The following HCRTR2 variants were observed in gnomAD, a reference collection of about 807,000 sequenced individuals.
HCRTR2 encodes hypocretin receptor 2, also known as orexin receptor type 2.
Under a neutral mutation model 49.0 loss-of-function variants are expected in HCRTR2, and 22 were observed. The ratio of observed to expected loss-of-function variants is 0.45; its 90% CI spans 0.32 to 0.64. The LOEUF is 0.64. Ranked by LOEUF, HCRTR2 falls within the 30% of genes least tolerant of loss-of-function variation. HCRTR2 has a pLI of 0.04. For synonymous variants in HCRTR2, 236 were observed against 205.3 expected (o/e 1.15, Z -1.28); for missense variants, 491 against 559.4 (o/e 0.88, Z 1.23).
At chr6:55,163,120 C>T (rs1473180806) in intron 1 of HCRTR2, among the ~76,000 whole-genome samples, 1 of 152,002 alleles carries the variant, frequency 6.6e-6, no homozygotes, top group African/African-American at 2.4e-5. Context: ...CCTGTAGTCC[C>T]AGCTACTTGG....
intron 1 of HCRTR2, among the ~76,000 whole-genome samples, chr6:55,163,189 A>G (rs1221785851): frequency 6.6e-6 from 1 of 152,046 alleles, no homozygotes; most frequent in East Asian, 1.9e-4. Context: ...ATGAGCCAAG[A>G]TCCTGTCACT....
At chr6:55,273,927 T>C (rs1410447257) in intron 4 of HCRTR2, among the ~76,000 whole-genome samples, 1 of 152,052 alleles carries the variant, frequency 6.6e-6, no homozygotes, top group East Asian at 1.9e-4. Context: ...ACACTCAATG[T>C]ACCTTTATTA....
intron 1 of HCRTR2, among the ~76,000 whole-genome samples, chr6:55,168,776 G>T (rs1039112894): frequency 6.6e-6 from 1 of 151,850 alleles, no homozygotes. Context: ...TCACTAAGTT[G>T]CCCAACCTGG....
intron 1 of HCRTR2, among the ~76,000 whole-genome samples, chr6:55,123,290 G>C (rs1392426922): frequency 6.6e-6 from 1 of 151,770 alleles, no homozygotes; most frequent in Non-Finnish European, 1.5e-5. Flanking sequence ...TTTTTTTTGA[G>C]ACATGTTCCA....
chr6:55,159,898 A>G (rs1226540824), intron 1 of HCRTR2, among the ~76,000 whole-genome samples: 1 of 152,256 alleles, frequency 6.6e-6, no homozygotes, highest in East Asian at 1.9e-4. Context: ...AAAGGAATCA[A>G]GTTGGAAAAC....
chr6:55,238,360 T>C (rs1342887361), intron 1 of HCRTR2, among the ~76,000 whole-genome samples: 1 of 152,204 alleles, frequency 6.6e-6, no homozygotes, highest in African/African-American at 2.4e-5. Flanking sequence ...TTCTTGGAAT[T>C]TTAAAACTGT....
At chr6:55,152,624 G>A (rs1404330811) in intron 1 of HCRTR2, among the ~76,000 whole-genome samples, 1 of 151,932 alleles carries the variant, frequency 6.6e-6, no homozygotes, top group Non-Finnish European at 1.5e-5. Context: ...TGCCAATATG[G>A]TAGGTTTGGT....
At chr6:55,257,678 T>C (rs1766679107) in intron 3 of HCRTR2, among the ~76,000 whole-genome samples, 1 of 151,892 alleles carries the variant, frequency 6.6e-6, no homozygotes, top group South Asian at 2.1e-4. Flanking sequence ...ATAAAGCTCA[T>C]TTCTACTCTG....
At chr6:55,269,767 T>TA (rs1191198905) in intron 4 of HCRTR2, among the ~76,000 whole-genome samples, 2 of 152,074 alleles carry the variant, frequency 1.3e-5, no homozygotes, top group Non-Finnish European at 2.9e-5. Context: ...AAGACCAGCA[T>TA]AGTCAACGTG....
At chr6:55,253,453 TATGAGATC>T (rs1277740881) in intron 2 of HCRTR2, among the ~76,000 whole-genome samples, 4 of 152,144 alleles carry the variant, frequency 2.6e-5, no homozygotes, top group African/African-American at 9.7e-5. Flanking sequence ...TTCCACATAT[TATGAGATC>T]AATATAACCA....
chr6:55,248,069 A>G (rs555497044), intron 1 of HCRTR2, among the ~76,000 whole-genome samples: 54 of 152,254 alleles, frequency 3.5e-4, no homozygotes, highest in Non-Finnish European at 6.5e-4. Flanking sequence ...TGTGGGTGAT[A>G]TCATTGTCCC....
intron 2 of HCRTR2, among the ~76,000 whole-genome samples, chr6:55,250,732 A>C (rs1766533325): frequency 6.6e-6 from 1 of 152,124 alleles, no homozygotes; most frequent in African/African-American, 2.4e-5. Context: ...GTCCTCTTTC[A>C]CACAGCAGAA....
At chr6:55,208,671 A>G (rs1765647130) in intron 1 of HCRTR2, among the ~76,000 whole-genome samples, 1 of 152,106 alleles carries the variant, frequency 6.6e-6, no homozygotes, top group African/African-American at 2.4e-5. Flanking sequence ...GGATGAAGTT[A>G]CACCTCACAC....
rs145027088 is a variant in HCRTR2, at chr6:55,277,560, A to G, written c.943A>G (p.Ile315Val). The G allele has an allele frequency of 1.2e-5, 19 of 1,614,030 alleles. No homozygotes were observed. In the East Asian group the frequency reaches 2.7e-4, roughly 23 times the overall value. The stretch of plus-strand genomic sequence containing the variant: ...GATGATTGTGCTTTTGGTATTTGCA[A>G]TTTGCTATCTACCAATTAGCATCCT... Reference protein sequence around the residue: ...MLMIVLLVFAICYLPISILNV... With the variant: ...MLMIVLLVFAVCYLPISILNV... Residue 315 changes from isoleucine to valine, a missense_variant, in exon 5 of 7, where the codon ATT becomes GTT. Ile to Val is a conservative substitution (Grantham distance 29). Transcript: ENST00000370862.
intron 1 of HCRTR2, among the ~76,000 whole-genome samples, chr6:55,127,599 T>G (rs1474813030): frequency 1.3e-5 from 2 of 152,100 alleles, no homozygotes; most frequent in African/African-American, 2.4e-5. Flanking sequence ...TTGTTCTTGC[T>G]TTCTTGTTGT....
intron 1 of HCRTR2, among the ~76,000 whole-genome samples, chr6:55,157,949 C>G (rs1764752243): frequency 6.6e-6 from 1 of 152,168 alleles, no homozygotes; most frequent in South Asian, 2.1e-4. Context: ...CAATAAATAC[C>G]TAACTTCTCA....
rs761516806 is a variant in HCRTR2, at chr6:55,282,341, A to G, written c.1222A>G (p.Thr408Ala). ...RTSTESRKSL[T>A]TQISNFDNIS... Reference sequence around the variant, plus strand: ...TAGCACAGAGAGCCGGAAGTCCTTGACCACTCAAATCAGCAACTTTGATAA... The same window carrying G: ...TAGCACAGAGAGCCGGAAGTCCTTGGCCACTCAAATCAGCAACTTTGATAA... The change falls in exon 7 of 7, where the codon ACC becomes GCC. Residue 408 changes from threonine to alanine, a missense_variant. Thr to Ala is a moderately conservative substitution (Grantham distance 58, BLOSUM62 0). Transcript: ENST00000370862. 27 of 1,613,594 alleles carry G rather than the reference A, an allele frequency of 1.7e-5. No individual in the cohort carries two copies.
At chr6:55,205,876 T>C (rs1372747537) in intron 1 of HCRTR2, among the ~76,000 whole-genome samples, 2 of 152,096 alleles carry the variant, frequency 1.3e-5, no homozygotes, top group East Asian at 1.9e-4. Flanking sequence ...ATAGTTTCCC[T>C]AGCTTGAATT....
rs190830432 is a variant in HCRTR2 at position 55,225,500 on chromosome 6, G to A, written c.224-23139G>A. ...GTTATCATAAGCATGGTCTGTGTAG[G>A]CAAAGCATGTAACTCCACAAATGCT... On this transcript the variant is annotated intron_variant, in intron 1 of 6. Transcript: ENST00000370862. 2.4e-3 allele frequency among the ~76,000 whole-genome samples: 370 copies of A among 152,214 alleles called. 2 individuals carry two copies. Among genetic ancestry groups the A allele is most frequent in the African/African-American group, 8.5e-3 (352 of 41,522 alleles).
Sources: allele counts gnomAD v4.1 joint callset (sites outside exome capture counted in the v4.1 genomes callset), GRCh38; gene constraint gnomAD v4.1.1; transcripts MANE v1.5; gene names NCBI Gene and HGNC (gene_info 2026-07-23, HGNC 2026-07-21).